DLGAP2: variants seen among roughly 807,000 people sequenced by gnomAD.
The protein encoded by DLGAP2 is DLG associated protein 2.
Under a neutral mutation model 100.3 loss-of-function variants are expected in DLGAP2, and 26 were observed. That is an observed-to-expected ratio of 0.26 (90% CI 0.19 to 0.36). The LOEUF (loss-of-function observed/expected upper bound fraction) is 0.36, where lower values mean the gene tolerates loss of function less well. DLGAP2 is among the 10% of genes least tolerant of loss of function. DLGAP2 has a pLI of 1.00. For missense variants in DLGAP2, 1,858 were observed against 1,453.2 expected, an observed-to-expected ratio of 1.28 and a Z score of -4.53; for synonymous variants, 886 against 630.1, an observed-to-expected ratio of 1.41 and a Z score of -6.08.
At chr8:1,281,797 G>C (rs1460844231) in intron 3 of DLGAP2, among the ~76,000 whole-genome samples, 1 of 152,208 alleles carries the variant, frequency 6.6e-6, no homozygotes, top group African/African-American at 2.4e-5. Context: ...GAGGGACGCG[G>C]TCCCACCCCA....
At chr8:1,199,732 G>C (rs2116753976) in intron 2 of DLGAP2, among the ~76,000 whole-genome samples, 1 of 152,274 alleles carries the variant, frequency 6.6e-6, no homozygotes, top group Non-Finnish European at 1.5e-5. Flanking sequence ...CTGAATGTTT[G>C]TATCTAGGAC....
chr8:1,183,780 C>G (rs1452730486), intron 2 of DLGAP2, among the ~76,000 whole-genome samples: 4 of 152,198 alleles, frequency 2.6e-5, no homozygotes, highest in Non-Finnish European at 5.9e-5. Flanking sequence ...AATCATAATT[C>G]TAAACGAAGC....
At chr8:861,529 G>T (rs565213676) in intron 1 of DLGAP2, among the ~76,000 whole-genome samples, 2 of 152,280 alleles carry the variant, frequency 1.3e-5, no homozygotes, top group South Asian at 4.1e-4. Flanking sequence ...GCTTAGTAGG[G>T]TCTTGTCGAA....
At chr8:1,537,716 TGGATGAAAGGATGGAA>T (rs1801200522) in intron 4 of DLGAP2, among the ~76,000 whole-genome samples, 1 of 141,078 alleles carries the variant, frequency 7.1e-6, no homozygotes, top group East Asian at 2.1e-4. Context: ...GATGGATGGA[TGGATGAAAGGATGGAA>T]GGAAGGAAGG....
intron 2 of DLGAP2, among the ~76,000 whole-genome samples, chr8:1,218,561 G>C (rs1009021483): frequency 6.6e-6 from 1 of 152,046 alleles, no homozygotes; most frequent in Non-Finnish European, 1.5e-5. Context: ...TTGAAGTTGA[G>C]TAATGTGATG....
rs575322888 is a variant in DLGAP2 at position 1,170,951 on chromosome 8, C to T, written c.74-87900C>T. Reference sequence around the variant, plus strand: ...CTTTTGAATGTGTTTGCTCTTGCTTCTCTAGTTCTTTTAATTGTGATGTTA... The same window carrying T: ...CTTTTGAATGTGTTTGCTCTTGCTTTTCTAGTTCTTTTAATTGTGATGTTA... On this transcript the variant is annotated intron_variant, in intron 2 of 14. Transcript: ENST00000637795. Among the ~76,000 whole-genome samples, 906 of 150,388 alleles carry T rather than the reference C, an allele frequency of 6.0e-3. 12 individuals are homozygous for T. The highest frequency in any genetic ancestry group is 0.021 in the African/African-American group (853 of 40,784).
At chr8:1,155,663 C>G (rs1301941436) in intron 2 of DLGAP2, among the ~76,000 whole-genome samples, 2 of 151,646 alleles carry the variant, frequency 1.3e-5, no homozygotes, top group Non-Finnish European at 2.9e-5. Flanking sequence ...TCCGAGACCC[C>G]CAGGCCCCTC....
intron 1 of DLGAP2, among the ~76,000 whole-genome samples, chr8:885,526 A>G (rs970126346): frequency 3.3e-5 from 5 of 152,212 alleles, no homozygotes; most frequent in African/African-American, 1.2e-4. Context: ...TTTTGGGCTG[A>G]GGTGATGAAG....
intron 3 of DLGAP2, among the ~76,000 whole-genome samples, chr8:1,379,320 A>G (rs1206962137): frequency 6.6e-6 from 1 of 152,380 alleles, no homozygotes; most frequent in Admixed American, 6.5e-5. Flanking sequence ...GCATGGGCCT[A>G]AGAGCCGCGT....
At chr8:1,518,356 C>T (rs1800468751) in intron 4 of DLGAP2, among the ~76,000 whole-genome samples, 1 of 152,070 alleles carries the variant, frequency 6.6e-6, no homozygotes, top group Non-Finnish European at 1.5e-5. Context: ...TTCAGATTGT[C>T]GGTTCTGTGG....
chr8:1,202,805 A>C (rs573171530), intron 2 of DLGAP2, among the ~76,000 whole-genome samples: 105 of 152,290 alleles, frequency 6.9e-4, no homozygotes, highest in African/African-American at 2.4e-3. Flanking sequence ...CACCCAAGCC[A>C]CTGAACACGC....
intron 2 of DLGAP2, among the ~76,000 whole-genome samples, chr8:1,067,646 T>TGTGA (rs1479585229): frequency 2.0e-5 from 3 of 146,398 alleles, no homozygotes; most frequent in East Asian, 3.9e-4. Flanking sequence ...TGTGTGTGTG[T>TGTGA]GACTTAATAT....
rs539375588 is a variant in DLGAP2 at position 1,501,528 on chromosome 8, G to A, written c.172+97G>A. 1,736 of 1,188,342 alleles carry A rather than the reference G, an allele frequency of 1.5e-3. 1 individual carries two copies. Among genetic ancestry groups the A allele is most frequent in the Admixed American group, 2.4e-3 (95 of 39,006 alleles). The allele number at this position is 1,188,342 out of a possible 1,614,324, so 73.6% of individuals were successfully genotyped here. ...CATGCGGACCGTCCCACAAACACAC[G>A]TTAGCATGTTTAGAAAGGGAGCTAA... On this transcript the variant is annotated intron_variant, in intron 4 of 14. Coordinates refer to ENST00000637795, the MANE Select transcript of DLGAP2 (RefSeq NM_001346810.2).
rs531713982 is a variant in DLGAP2, at chr8:1,516,145, ATGAG to A, written c.172+14726_172+14729del. Among the ~76,000 whole-genome samples, 671 of 151,344 alleles carry A rather than the reference ATGAG, an allele frequency of 4.4e-3. 3 individuals are homozygous for A. Among genetic ancestry groups the A allele is most frequent in the African/African-American group, 0.011 (437 of 41,214 alleles). ...AGTGAGGAAAGGAAAGAGGGAGGGA[ATGAG>A]TGAGTGAGTGATTGGATGAGTGACC... On this transcript the variant is annotated intron_variant, in intron 4 of 14. Coordinates refer to ENST00000637795, the MANE Select transcript of DLGAP2 (RefSeq NM_001346810.2).
At chr8:1,167,903 T>C (rs1023752752) in intron 2 of DLGAP2, among the ~76,000 whole-genome samples, 6 of 152,080 alleles carry the variant, frequency 3.9e-5, no homozygotes, top group African/African-American at 1.4e-4. Flanking sequence ...TATTATACTT[T>C]AAGTTTTAGG....
intron 14 of DLGAP2, among the ~76,000 whole-genome samples, chr8:1,700,695 C>T (rs573172531): frequency 6.6e-6 from 1 of 152,114 alleles, no homozygotes; most frequent in Non-Finnish European, 1.5e-5. Flanking sequence ...GCGAATCGGG[C>T]CAGTGTTTCC....
intron 2 of DLGAP2, among the ~76,000 whole-genome samples, chr8:961,154 T>G (rs1263862934): frequency 1.3e-5 from 2 of 152,222 alleles, no homozygotes; most frequent in East Asian, 3.8e-4. Flanking sequence ...TAAAAGGTCT[T>G]GGTTAGTGTA....
intron 3 of DLGAP2, among the ~76,000 whole-genome samples, chr8:1,287,503 T>TGTG (rs1563062349): frequency 2.5e-5 from 2 of 80,186 alleles, no homozygotes; most frequent in South Asian, 4.6e-4. Flanking sequence ...TGTGGTTCTG[T>TGTG]TAGGAGGGGA....
At chr8:1,162,237 C>T (rs1796907346) in intron 2 of DLGAP2, among the ~76,000 whole-genome samples, 1 of 152,180 alleles carries the variant, frequency 6.6e-6, no homozygotes, top group African/African-American at 2.4e-5. Context: ...TGTCGTTATT[C>T]ATTTATTCAT....
Sources: gnomAD v4.1 joint callset for allele counts (sites outside exome capture counted in the v4.1 genomes callset) on GRCh38, gnomAD v4.1.1 for gene constraint, MANE v1.5 for transcripts, NCBI Gene and HGNC (gene_info 2026-07-23, HGNC 2026-07-21) for gene names.